PCDHGA8: variants seen among roughly 807,000 people sequenced by gnomAD.
PCDHGA8 encodes protocadherin gamma subfamily A, 8.
A neutral mutation model predicts 59.2 loss-of-function variants in PCDHGA8; 45 were observed. The observed-to-expected ratio is 0.76, with a 90% CI of 0.60 to 0.98. The LOEUF (loss-of-function observed/expected upper bound fraction) is 0.98, where lower values mean the gene tolerates loss of function less well. PCDHGA8 is among the 50% of genes least tolerant of loss of function. The pLI is 0.00. For synonymous variants in PCDHGA8, 531 were observed against 519.0 expected (o/e 1.02, Z -0.32); for missense variants, 1,257 against 1,196.2 (o/e 1.05, Z -0.75).
chr5:141,397,919 C>G (rs1158998805), intron 1 of PCDHGA8: 2 of 723,460 alleles, frequency 2.8e-6, no homozygotes, highest in East Asian at 5.5e-5. Flanking sequence ...TCCAGATCTC[C>G]TCGCGCAGCC....
chr5:141,465,343 T>A (rs1221229916), intron 1 of PCDHGA8, among the ~76,000 whole-genome samples: 1 of 152,118 alleles, frequency 6.6e-6, no homozygotes, highest in Non-Finnish European at 1.5e-5. Flanking sequence ...TATTGGTTAC[T>A]GAAGAAAAAA....
Position 141,407,988 on chromosome 5 carries a change from C to T in PCDHGA8, c.2424+12751C>T, listed in dbSNP as rs923527525. 1.3e-4 allele frequency: 104 copies of T among 827,076 alleles called. 1 individual carries two copies. The highest frequency in any genetic ancestry group is 3.7e-4 in the Middle Eastern group (1 of 2,684). 51.2% of individuals were successfully genotyped at this position (827,076 alleles called of 1,614,324 possible). ...GCGCTGACGCCGGGGATCCGTCAGC[C>T]TCTGGCCTGGGATTCCCTGCGCAGC... On this transcript the variant is annotated intron_variant, in intron 1 of 3. Transcript: ENST00000398604.
At chr5:141,409,828 C>G in intron 1 of PCDHGA8, 1 of 1,611,128 alleles carries the variant, frequency 6.2e-7, no homozygotes, top group Non-Finnish European at 8.5e-7. Flanking sequence ...CGCCCACGCT[C>G]AGCGCCAACG....
intron 1 of PCDHGA8, among the ~76,000 whole-genome samples, chr5:141,458,445 T>G (rs180720013): frequency 6.6e-6 from 1 of 151,738 alleles, no homozygotes; most frequent in East Asian, 1.9e-4. Flanking sequence ...TCCCCCACAT[T>G]AACAATTTTT....
Position 141,410,070 on chromosome 5 carries a change from C to A in PCDHGA8, c.2424+14833C>A, listed in dbSNP as rs1368179504. On this transcript the variant is annotated intron_variant, in intron 1 of 3. Transcript: ENST00000398604. ...GGACTCTTCAGCCTGGGGCTGCGCA[C>A]TGGGGAGGTGCGCACGGCTCGAGCC... 6.2e-7 allele frequency: 1 copy of A among 1,612,806 alleles called. No homozygotes were observed. The highest frequency in any genetic ancestry group is 1.3e-5 in the African/African-American group (1 of 74,938).
At chr5:141,397,224 A>T (rs2093491277) in intron 1 of PCDHGA8, among the ~76,000 whole-genome samples, 1 of 151,376 alleles carries the variant, frequency 6.6e-6, no homozygotes. Context: ...ATTTTGAGAT[A>T]TGAAGAAGAG....
intron 1 of PCDHGA8, among the ~76,000 whole-genome samples, chr5:141,469,375 G>C (rs942714664): frequency 2.0e-5 from 3 of 152,076 alleles, no homozygotes; most frequent in African/African-American, 7.2e-5. Flanking sequence ...AAGAGATCGA[G>C]ACCATCCTGG....
At position 141,487,653 on chromosome 5, in the gene PCDHGA8, A is replaced by C. The variant is rs1033173132; in HGVS notation, c.2425-7154A>C. The C allele has an allele frequency of 3.1e-6, 5 of 1,613,794 alleles. No individual in the cohort carries two copies. Among genetic ancestry groups the C allele is most frequent in the Non-Finnish European group, 4.2e-6 (5 of 1,179,926 alleles). ...CAGGCTCAACAAATGCTTGAGGGTT[A>C]TTCTGATCCAGGCATATGGCTAGGC... On this transcript the variant is annotated intron_variant, in intron 1 of 3. Transcript: ENST00000398604. This position sits in a 1 kb window ranked among gnomAD's most constrained non-coding sequence, Gnocchi z 5.0.
chr5:141,463,438 CTTTTTTTTTTTT>C (rs71576115), intron 1 of PCDHGA8, among the ~76,000 whole-genome samples: 6 of 103,254 alleles, frequency 5.8e-5, no homozygotes, highest in Admixed American at 3.1e-4. Flanking sequence ...TTTCCTTCTC[CTTTTTTTTTTTT>C]TTTTTTTTTT....
In PCDHGA8 at chr5:141,394,493, C is replaced by G; in HGVS notation, c.1680C>G (p.Pro560=). 1 of 1,614,222 alleles carries G rather than the reference C, an allele frequency of 6.2e-7. No individual in the cohort carries two copies. The highest frequency in any genetic ancestry group is 8.5e-7 in the Non-Finnish European group (1 of 1,180,038). The change falls in exon 1 of 4, where the codon CCC becomes CCG. Residue 560 remains proline (P), a synonymous_variant. Coordinates refer to ENST00000398604, the MANE Select transcript of PCDHGA8 (RefSeq NM_032088.2). ...LFVLDQNDNA[P]EILYPALPTD... is the part of the protein sequence containing the mutation. ...TGCTGGACCAGAATGACAACGCGCC[C>G]GAGATCCTGTACCCCGCCCTCCCCA...
chr5:141,472,557 A>G (rs2099288029), intron 1 of PCDHGA8, among the ~76,000 whole-genome samples: 3 of 152,044 alleles, frequency 2.0e-5, no homozygotes, highest in Admixed American at 1.3e-4. Flanking sequence ...AAAAAATTAT[A>G]TTATAAATGC....
chr5:141,448,211 T>TA (rs2098575794), intron 1 of PCDHGA8, among the ~76,000 whole-genome samples: 1 of 152,212 alleles, frequency 6.6e-6, no homozygotes, highest in East Asian at 1.9e-4. Flanking sequence ...TTTCTGTGTG[T>TA]ATGCGAATGT....
At chr5:141,483,656 G>A (rs1345435222) in intron 1 of PCDHGA8, among the ~76,000 whole-genome samples, 1 of 151,984 alleles carries the variant, frequency 6.6e-6, no homozygotes, top group Non-Finnish European at 1.5e-5. Flanking sequence ...GTTTGTGTGT[G>A]TGTGTGTGTG....
intron 1 of PCDHGA8, chr5:141,419,497 G>A (rs1357823931): frequency 6.2e-7 from 1 of 1,612,390 alleles, no homozygotes; most frequent in South Asian, 1.1e-5. Context: ...GCGCCAATGT[G>A]AGCCTGCGCG....
At chr5:141,400,392 A>C (rs2094014497) in intron 1 of PCDHGA8, 1 of 1,613,942 alleles carries the variant, frequency 6.2e-7, no homozygotes, top group Admixed American at 1.7e-5. Context: ...TTGCACATAC[A>C]GGAAAGACGG....
chr5:141,510,895 CTGT>C, intron 3 of PCDHGA8, 49 bp from the exon 4 acceptor site: 1 of 1,612,988 alleles, frequency 6.2e-7, no homozygotes, highest in Non-Finnish European at 8.5e-7. Flanking sequence ...AAGACAGTGA[CTGT>C]TGAGGACCCT....
rs537985555 is a variant in PCDHGA8 at position 141,449,278 on chromosome 5, C to A, written c.2425-45529C>A. On this transcript the variant is annotated intron_variant, in intron 1 of 3. Coordinates refer to ENST00000398604, the MANE Select transcript of PCDHGA8 (RefSeq NM_032088.2). ...TGTACAAAGAACTGTATCTCCTTCA[C>A]CCGGATGCACCGGGTGAATTATATG... Among the ~76,000 whole-genome samples the A allele has an allele frequency of 4.6e-5, 7 of 152,166 alleles. No homozygotes were observed. In the South Asian group the frequency reaches 1.5e-3, roughly 32 times the overall value.
chr5:141,430,639 A>T, intron 1 of PCDHGA8: 1 of 900,712 alleles, frequency 1.1e-6, no homozygotes. Flanking sequence ...CATCCCTGGG[A>T]GTATGTGGAA....
At chr5:141,468,697 T>A (rs2099174099) in intron 1 of PCDHGA8, 1 of 151,646 alleles carries the variant, frequency 6.6e-6, no homozygotes, top group Non-Finnish European at 1.5e-5. Context: ...AAACCCCGTC[T>A]CTACTAAAAA....
Sources: allele counts gnomAD v4.1 joint callset (sites outside exome capture counted in the v4.1 genomes callset), GRCh38; gene constraint gnomAD v4.1.1; non-coding constraint Gnocchi (gnomAD v3.1); transcripts MANE v1.5; gene names NCBI Gene and HGNC (gene_info 2026-07-23, HGNC 2026-07-21).